The following KCNIP4 variants were observed in gnomAD, a reference collection of about 807,000 sequenced individuals.
KCNIP4 encodes potassium voltage-gated channel interacting protein 4.
Under a neutral mutation model 34.0 loss-of-function variants are expected in KCNIP4, and 12 were observed. That is an observed-to-expected ratio of 0.35 (90% CI 0.23 to 0.57). The LOEUF (loss-of-function observed/expected upper bound fraction) is 0.57. KCNIP4 is among the 20% of genes least tolerant of loss of function. KCNIP4 has a pLI of 0.83. For missense variants in KCNIP4, 238 were observed against 311.7 expected (o/e 0.76, Z 1.78); for synonymous variants, 124 against 102.2 (o/e 1.21, Z -1.29).
At chr4:20,882,847 G>A in intron 1 of KCNIP4, 138 bp from the exon 2 acceptor site, 1 of 522,148 alleles carries the variant, frequency 1.9e-6, no homozygotes, top group South Asian at 3.0e-5. Flanking sequence ...AGTGGGTTGG[G>A]ACCCCCGAAA....
At chr4:21,094,044 T>A (rs1464057005) in intron 1 of KCNIP4, among the ~76,000 whole-genome samples, 7 of 151,834 alleles carry the variant, frequency 4.6e-5, no homozygotes, top group Non-Finnish European at 1.0e-4. Context: ...ATCACGCCAC[T>A]GTACTCCAGC....
intron 1 of KCNIP4, among the ~76,000 whole-genome samples, chr4:21,087,270 C>CTG (rs1746554604): frequency 1.3e-5 from 2 of 151,276 alleles, no homozygotes; most frequent in African/African-American, 4.9e-5. Flanking sequence ...TCCACCTCTT[C>CTG]AGTTCAAGTG....
intron 1 of KCNIP4, among the ~76,000 whole-genome samples, chr4:21,204,889 C>G (rs1222057944): frequency 6.6e-6 from 1 of 152,078 alleles, no homozygotes; most frequent in Admixed American, 6.6e-5. Context: ...TGTTTGGGAG[C>G]CTTTATATCA....
intron 1 of KCNIP4, among the ~76,000 whole-genome samples, chr4:21,458,130 C>A (rs886745371): frequency 7.0e-6 from 1 of 142,690 alleles, no homozygotes; most frequent in African/African-American, 2.6e-5. Context: ...TCTCCCAATG[C>A]TATCCCTCCC....
chr4:21,825,016 A>G (rs1389031516), intron 1 of KCNIP4, among the ~76,000 whole-genome samples: 1 of 152,172 alleles, frequency 6.6e-6, no homozygotes, highest in African/African-American at 2.4e-5. Flanking sequence ...TAAATGATAG[A>G]CCACTTTCAC....
chr4:21,167,592 C>A (rs1016607471), intron 1 of KCNIP4, among the ~76,000 whole-genome samples: 1 of 152,134 alleles, frequency 6.6e-6, no homozygotes, highest in Admixed American at 6.5e-5. Flanking sequence ...AATGCTTATT[C>A]GCTGATAACA....
At chr4:21,771,448 T>A (rs1490358458) in intron 1 of KCNIP4, among the ~76,000 whole-genome samples, 1 of 152,178 alleles carries the variant, frequency 6.6e-6, no homozygotes, top group South Asian at 2.1e-4. Context: ...CCACATGAAA[T>A]TGAAAATATT....
intron 1 of KCNIP4, among the ~76,000 whole-genome samples, chr4:21,339,387 G>T (rs1716506151): frequency 6.6e-6 from 1 of 152,210 alleles, no homozygotes; most frequent in South Asian, 2.1e-4. Flanking sequence ...GTAGGATATG[G>T]AAAGGCACTT....
rs563611762 is a variant in KCNIP4 at position 21,036,391 on chromosome 4, G to A, written c.62-153682C>T. ...ATATGGAATACGTAGATCCAATTTG[G>A]GGAATAAAGGCATTTGGAGATAGAT... On this transcript the variant is annotated intron_variant, in intron 1 of 8. Coordinates refer to ENST00000382152, the MANE Select transcript of KCNIP4 (RefSeq NM_025221.6). Among the ~76,000 whole-genome samples, 6 of 152,224 alleles carry A rather than the reference G, an allele frequency of 3.9e-5. No individual in the cohort carries two copies. The East Asian group carries it at 5.8e-4, about 15-fold the overall frequency.
chr4:21,775,654 T>C (rs1395677778), intron 1 of KCNIP4, among the ~76,000 whole-genome samples: 2 of 152,156 alleles, frequency 1.3e-5, no homozygotes, highest in African/African-American at 4.8e-5. Context: ...TCCCTGAGCC[T>C]CTGGCTGGAG....
intron 1 of KCNIP4, among the ~76,000 whole-genome samples, chr4:21,360,590 T>C (rs1055920951): frequency 6.6e-6 from 1 of 152,064 alleles, no homozygotes; most frequent in Non-Finnish European, 1.5e-5. Flanking sequence ...ACAATGAAAA[T>C]TAATGGGTTT....
At chr4:21,616,099 C>T (rs1396068242) in intron 1 of KCNIP4, among the ~76,000 whole-genome samples, 1 of 152,148 alleles carries the variant, frequency 6.6e-6, no homozygotes, top group Non-Finnish European at 1.5e-5. Flanking sequence ...AGCTCTGGCT[C>T]CCCAGTCACT....
intron 1 of KCNIP4, among the ~76,000 whole-genome samples, chr4:21,221,283 G>T (rs941372354): frequency 6.6e-6 from 1 of 152,156 alleles, no homozygotes; most frequent in African/African-American, 2.4e-5. Context: ...AGTAGTTGTA[G>T]CAGGGAGGAA....
chr4:21,847,342 C>T (rs994364547), intron 1 of KCNIP4: 3 of 152,070 alleles, frequency 2.0e-5, no homozygotes, highest in Non-Finnish European at 4.4e-5. Context: ...TGCCCCCAAG[C>T]ATACGTGGTA....
chr4:21,542,575 G>C (rs1737798111), intron 1 of KCNIP4, among the ~76,000 whole-genome samples: 1 of 151,724 alleles, frequency 6.6e-6, no homozygotes, highest in Admixed American at 6.6e-5. Context: ...AAGAAGTGTG[G>C]TAGAATTTAG....
chr4:20,977,217 C>A (rs1188015392), intron 1 of KCNIP4, among the ~76,000 whole-genome samples: 1 of 152,154 alleles, frequency 6.6e-6, no homozygotes, highest in Non-Finnish European at 1.5e-5. Context: ...CCTATTACAG[C>A]TTTTGTCTCT....
At chr4:21,083,089 C>T (rs1464664546) in intron 1 of KCNIP4, among the ~76,000 whole-genome samples, 1 of 151,758 alleles carries the variant, frequency 6.6e-6, no homozygotes, top group Non-Finnish European at 1.5e-5. Flanking sequence ...CTTTACCCCT[C>T]ATCATATTGC....
chr4:20,864,299 T>C (rs1249392700), intron 2 of KCNIP4, among the ~76,000 whole-genome samples: 1 of 151,500 alleles, frequency 6.6e-6, no homozygotes, highest in Non-Finnish European at 1.5e-5. Context: ...TGTACACATA[T>C]GTATGCATAT....
At chr4:21,303,704 TA>T in intron 1 of KCNIP4, 1 of 839,098 alleles carries the variant, frequency 1.2e-6, no homozygotes, top group Non-Finnish European at 1.8e-6. Context: ...CATCCCAGAG[TA>T]ACATTTCTCT....
Sources: gnomAD v4.1 joint callset for allele counts (sites outside exome capture counted in the v4.1 genomes callset) on GRCh38, gnomAD v4.1.1 for gene constraint, MANE v1.5 for transcripts, NCBI Gene and HGNC (gene_info 2026-07-23, HGNC 2026-07-21) for gene names.